SPAG16: variants seen among roughly 807,000 people sequenced by gnomAD.
SPAG16 encodes the protein sperm associated antigen 16, also known as sperm-associated antigen 16 protein.
A neutral mutation model predicts 80.4 loss-of-function variants in SPAG16; 86 were observed. The ratio of observed to expected loss-of-function variants is 1.07; its 90% confidence interval spans 0.90 to 1.28. The LOEUF (loss-of-function observed/expected upper bound fraction) is 1.28. SPAG16 is among the 50% of genes most tolerant of loss of function. The pLI is 0.00. For missense variants in SPAG16, 870 were observed against 765.3 expected (o/e 1.14, Z -1.61); for synonymous variants, 294 against 265.9 (o/e 1.11, Z -1.03).
At chr2:214,220,474 T>C (rs890918147) in intron 15 of SPAG16, among the ~76,000 whole-genome samples, 21 of 152,144 alleles carry the variant, frequency 1.4e-4, no homozygotes, top group African/African-American at 4.3e-4. Flanking sequence ...GTAAGATTTG[T>C]TAGGTAACCT....
chr2:213,321,899 C>A (rs116775351), intron 5 of SPAG16, among the ~76,000 whole-genome samples: 1 of 151,902 alleles, frequency 6.6e-6, no homozygotes, highest in Non-Finnish European at 1.5e-5. Context: ...GGAGAGCATA[C>A]GTTTTCTATT....
At chr2:213,952,717 T>G (rs1300968094) in intron 12 of SPAG16, among the ~76,000 whole-genome samples, 1 of 152,004 alleles carries the variant, frequency 6.6e-6, no homozygotes, top group African/African-American at 2.4e-5. Context: ...TAACCGTGGA[T>G]GGAGGGCTAA....
chr2:213,463,289 A>G (rs922913823), intron 9 of SPAG16, among the ~76,000 whole-genome samples: 15 of 152,242 alleles, frequency 9.9e-5, no homozygotes, highest in African/African-American at 3.6e-4. Context: ...TAGAAAAGAA[A>G]AACCTATTTT....
chr2:214,179,909 A>T (rs1352498468), intron 15 of SPAG16, among the ~76,000 whole-genome samples: 3 of 151,546 alleles, frequency 2.0e-5, no homozygotes, highest in Admixed American at 6.6e-5. Context: ...ATGTTTTGGA[A>T]AAACATGTAA....
chr2:213,484,848 A>G (rs1185529229), intron 9 of SPAG16, among the ~76,000 whole-genome samples: 1 of 152,194 alleles, frequency 6.6e-6, no homozygotes, highest in South Asian at 2.1e-4. Context: ...TTCTGAGTCC[A>G]TGGACTATCT....
intron 9 of SPAG16, among the ~76,000 whole-genome samples, chr2:213,439,754 T>TA (rs1176663245): frequency 1.3e-5 from 2 of 152,200 alleles, no homozygotes; most frequent in Non-Finnish European, 2.9e-5. Context: ...TGACATTGGT[T>TA]AAAGAAATTG....
At chr2:214,140,542 T>C (rs75843480) in intron 14 of SPAG16, among the ~76,000 whole-genome samples, 2,683 of 152,176 alleles carry the variant, frequency 0.018, 57 homozygotes, top group East Asian at 0.096. Flanking sequence ...GGACTTGTAT[T>C]ACAATCTTCC....
intron 11 of SPAG16, among the ~76,000 whole-genome samples, chr2:213,916,457 T>G (rs899017023): frequency 6.6e-6 from 1 of 152,224 alleles, no homozygotes; most frequent in South Asian, 2.1e-4. Flanking sequence ...GCCTCTGTTC[T>G]GTTCCATTGG....
At chr2:213,305,899 A>G (rs568235605) in intron 3 of SPAG16, among the ~76,000 whole-genome samples, 8 of 152,240 alleles carry the variant, frequency 5.3e-5, no homozygotes, top group African/African-American at 1.7e-4. Flanking sequence ...TGATTTTTAG[A>G]AAAGTTTGAG....
intron 13 of SPAG16, among the ~76,000 whole-genome samples, chr2:214,059,212 A>ATATATATG (rs2050114981): frequency 1.1e-5 from 1 of 93,194 alleles, no homozygotes; most frequent in Non-Finnish European, 2.1e-5. Context: ...ATATATATAT[A>ATATATATG]TATGTATGTG....
At chr2:213,792,935 C>A (rs2070794649) in intron 10 of SPAG16, among the ~76,000 whole-genome samples, 1 of 148,254 alleles carries the variant, frequency 6.7e-6, no homozygotes, top group Non-Finnish European at 1.5e-5. Context: ...TTAGTATTTT[C>A]TTTTTTTTTG....
chr2:214,076,807 G>A (rs1439230498), intron 13 of SPAG16, among the ~76,000 whole-genome samples: 1 of 152,164 alleles, frequency 6.6e-6, no homozygotes, highest in African/African-American at 2.4e-5. Flanking sequence ...GACAGATCAT[G>A]AGGTAGAGAG....
rs1284426803 is a variant in SPAG16 at position 214,080,464 on chromosome 2, C to T, written c.1528-27732C>T. On this transcript the variant is annotated intron_variant, in intron 13 of 15. Transcript: ENST00000331683. ...ATACAAAAAAAAAAAAAAAATTAGC[C>T]GGGCGTGGTGGTGGGCGCCTGTAGT... Among the ~76,000 whole-genome samples, 10 of 150,024 alleles carry T rather than the reference C, an allele frequency of 6.7e-5. 1 individual carries two copies. Among genetic ancestry groups the T allele is most frequent in the South Asian group, 4.2e-4 (2 of 4,758 alleles).
In SPAG16 at chr2:213,417,116, G is replaced by A. The variant is rs1427509102; in HGVS notation, c.942+41997G>A. ...GGATTGGTTAGTTTGCTTATCAAAG[G>A]CATGATCTTGGCTAGACTTTCCTGT... On this transcript the variant is annotated intron_variant, in intron 9 of 15. Transcript: ENST00000331683. Among the ~76,000 whole-genome samples the A allele has an allele frequency of 2.0e-5, 3 of 152,272 alleles. No individual in the cohort carries two copies. The South Asian group carries it at 6.2e-4, about 32-fold the overall frequency.
intron 8 of SPAG16, among the ~76,000 whole-genome samples, chr2:213,369,075 TA>T (rs2066489343): frequency 6.6e-6 from 1 of 152,174 alleles, no homozygotes; most frequent in Non-Finnish European, 1.5e-5. Context: ...ATGGTATTTT[TA>T]AAGTGTGGAA....
At chr2:213,341,450 TA>T (rs1313656669) in intron 6 of SPAG16, among the ~76,000 whole-genome samples, 11 of 152,234 alleles carry the variant, frequency 7.2e-5, no homozygotes, top group Non-Finnish European at 1.3e-4. Context: ...CCTTTCATTG[TA>T]AACCATTAAA....
chr2:213,994,283 A>G (rs184267813), intron 12 of SPAG16, among the ~76,000 whole-genome samples: 164 of 152,264 alleles, frequency 1.1e-3, no homozygotes, highest in African/African-American at 3.8e-3. Flanking sequence ...ATGACGAGGG[A>G]CACATGCCAG....
intron 10 of SPAG16, among the ~76,000 whole-genome samples, chr2:213,744,933 T>A (rs1429625537): frequency 6.6e-6 from 1 of 152,232 alleles, no homozygotes; most frequent in Non-Finnish European, 1.5e-5. Flanking sequence ...CATGTTTACT[T>A]TTAATTCCAT....
intron 10 of SPAG16, among the ~76,000 whole-genome samples, chr2:213,607,355 C>G (rs1407038292): frequency 6.6e-6 from 1 of 151,922 alleles, no homozygotes; most frequent in African/African-American, 2.4e-5. Flanking sequence ...AGTCTTGATC[C>G]ATATTTTCTC....
Sources: allele counts gnomAD v4.1 joint callset (sites outside exome capture counted in the v4.1 genomes callset), GRCh38; gene constraint gnomAD v4.1.1; transcripts MANE v1.5; gene names NCBI Gene and HGNC (gene_info 2026-07-23, HGNC 2026-07-21).